MBD5: variants seen among roughly 807,000 people sequenced by gnomAD.
MBD5 encodes the protein methyl-CpG-binding domain protein 5.
Under a neutral mutation model 117.3 loss-of-function variants are expected in MBD5, and 13 were observed. The ratio of observed to expected loss-of-function variants is 0.11; its 90% CI spans 0.07 to 0.18. The LOEUF (loss-of-function observed/expected upper bound fraction) is 0.18, where lower values mean the gene tolerates loss of function less well. Ranked by LOEUF, MBD5 falls within the 10% of genes least tolerant of loss-of-function variation. The pLI is 1.00. For synonymous variants in MBD5, 727 were observed against 766.4 expected, an observed-to-expected ratio of 0.95 and a Z score of 0.85; for missense variants, 1,879 against 2,093.8, an observed-to-expected ratio of 0.90 and a Z score of 2.00.
At chr2:148,419,764 A>T (rs941014699) in intron 4 of MBD5, among the ~76,000 whole-genome samples, 4 of 152,064 alleles carry the variant, frequency 2.6e-5, no homozygotes, top group African/African-American at 4.8e-5. Flanking sequence ...ATAATTTTTC[A>T]GTTTGGGTTT....
chr2:148,388,735 G>A lies in MBD5; in HGVS notation c.-557+46399G>A, dbSNP rs79785668. ...TGTCTTCTCACATGACCTTTTCTCT[G>A]TGCATGCACATCTCTGTTGTCATCT... On this transcript the variant is annotated intron_variant, in intron 4 of 13. Transcript: ENST00000642680. 3.7e-4 allele frequency among the ~76,000 whole-genome samples: 57 copies of A among 152,204 alleles called. 1 individual carries two copies. In the East Asian group the frequency reaches 0.01, roughly 27 times the overall value.
intron 4 of MBD5, among the ~76,000 whole-genome samples, chr2:148,427,183 A>C (rs1476797415): frequency 6.6e-6 from 1 of 152,190 alleles, no homozygotes; most frequent in Non-Finnish European, 1.5e-5. Flanking sequence ...GAGAAATAGG[A>C]ACACTTTTAC....
At chr2:148,456,298 C>T (rs1706881479) in intron 4 of MBD5, among the ~76,000 whole-genome samples, 1 of 152,116 alleles carries the variant, frequency 6.6e-6, no homozygotes, top group Admixed American at 6.6e-5. Flanking sequence ...GTGGTCTTTT[C>T]ACTGCAAACT....
At chr2:148,459,935 A>AT (rs925994063) in intron 5 of MBD5, among the ~76,000 whole-genome samples, 19 of 152,142 alleles carry the variant, frequency 1.2e-4, no homozygotes, top group African/African-American at 4.1e-4. Context: ...ATCCATATTT[A>AT]TTGGGGTGAA....
chr2:148,248,741 A>G (rs1466059816), intron 3 of MBD5, among the ~76,000 whole-genome samples: 5 of 152,150 alleles, frequency 3.3e-5, no homozygotes, highest in Admixed American at 2.6e-4. Context: ...GAAGGTTAAT[A>G]TAACGCTTTA....
chr2:148,405,188 T>C (rs1010390768), intron 4 of MBD5, among the ~76,000 whole-genome samples: 3 of 152,162 alleles, frequency 2.0e-5, no homozygotes, highest in Non-Finnish European at 1.5e-5. Context: ...ATGAAAAGGA[T>C]AGAAAAAATA....
At chr2:148,410,186 C>G (rs975562903) in intron 4 of MBD5, among the ~76,000 whole-genome samples, 1 of 152,106 alleles carries the variant, frequency 6.6e-6, no homozygotes, top group Non-Finnish European at 1.5e-5. Context: ...TTTTCCATGT[C>G]TTTGATAAAA....
intron 1 of MBD5, among the ~76,000 whole-genome samples, chr2:148,123,043 G>A (rs1342554544): frequency 1.3e-5 from 2 of 152,166 alleles, no homozygotes; most frequent in Non-Finnish European, 2.9e-5. Context: ...CTAAGAACAT[G>A]TAACTTTGTG....
chr2:148,434,990 A>G (rs1352936492), intron 4 of MBD5, among the ~76,000 whole-genome samples: 2 of 152,144 alleles, frequency 1.3e-5, no homozygotes, highest in Non-Finnish European at 2.9e-5. Flanking sequence ...TTTGTCATTT[A>G]CATAATGGTA....
intron 1 of MBD5, among the ~76,000 whole-genome samples, chr2:148,136,712 A>G (rs1346144733): frequency 6.6e-6 from 1 of 152,198 alleles, no homozygotes; most frequent in East Asian, 1.9e-4. Context: ...GGCTTTATGC[A>G]GAAATCTTAC....
intron 1 of MBD5, among the ~76,000 whole-genome samples, chr2:148,035,630 A>G (rs891917414): frequency 2.0e-5 from 3 of 152,210 alleles, no homozygotes; most frequent in Admixed American, 6.6e-5. Flanking sequence ...TAAGTGAACA[A>G]ATATGTAAAT....
At chr2:148,089,275 C>T (rs1189181793) in intron 1 of MBD5, among the ~76,000 whole-genome samples, 1 of 152,014 alleles carries the variant, frequency 6.6e-6, no homozygotes, top group Non-Finnish European at 1.5e-5. Flanking sequence ...CAGTACTCCA[C>T]TGAGAACACT....
At chr2:148,175,288 A>G (rs565892284) in intron 1 of MBD5, among the ~76,000 whole-genome samples, 2 of 152,292 alleles carry the variant, frequency 1.3e-5, no homozygotes, top group Admixed American at 6.5e-5. Context: ...AAGAAGGTAT[A>G]ATTTTTTGTA....
chr2:148,296,864 ATTT>A lies in MBD5; in HGVS notation c.-679-45332_-679-45330del, dbSNP rs757371602. Among the ~76,000 whole-genome samples the A allele has an allele frequency of 2.0e-3, 123 of 61,330 alleles. 1 individual carries two copies. The highest frequency in any genetic ancestry group is 5.3e-3 in the African/African-American group (95 of 17,836). 40.2% of individuals were successfully genotyped at this position (61,330 alleles called of 152,430 possible). A position where few individuals can be genotyped will look rare whatever the true frequency, so the allele number is the denominator to read the frequency against. Reference sequence around the variant, plus strand: ...AAGCATAGTTTGCTTTAGTTCTTCAATTTTTTTTTTTTTTTTTTTTGGAGACAG... The same window carrying A: ...AAGCATAGTTTGCTTTAGTTCTTCAATTTTTTTTTTTTTTTTTGGAGACAG... On this transcript the variant is annotated intron_variant, in intron 3 of 13. Transcript: ENST00000642680.
chr2:148,205,378 A>ATT lies in MBD5; in HGVS notation c.-831+26588_-831+26589dup, dbSNP rs537629146. On this transcript the variant is annotated intron_variant, in intron 2 of 13. Transcript: ENST00000642680. ...TTGCTGGGATTACAGGCGTGGACTAATTTTCTCATCTTTAATACTTGGAAG... is the reference window on the plus strand; with the variant it reads ...TTGCTGGGATTACAGGCGTGGACTAATTTTTTCTCATCTTTAATACTTGGAAG... Among the ~76,000 whole-genome samples the ATT allele has an allele frequency of 3.3e-5, 5 of 152,212 alleles. 1 individual carries two copies. The South Asian group carries it at 1.0e-3, about 32-fold the overall frequency.
At chr2:148,137,373 C>G (rs1254757569) in intron 1 of MBD5, among the ~76,000 whole-genome samples, 2 of 152,200 alleles carry the variant, frequency 1.3e-5, no homozygotes, top group Non-Finnish European at 2.9e-5. Context: ...CTGCTGCTGT[C>G]TATACTATCC....
chr2:148,064,484 G>C (rs1173552426), intron 1 of MBD5, among the ~76,000 whole-genome samples: 1 of 152,148 alleles, frequency 6.6e-6, no homozygotes. Flanking sequence ...TACCAGATGA[G>C]ATTATCTAGA....
intron 4 of MBD5, among the ~76,000 whole-genome samples, chr2:148,447,083 C>CAAAG (rs560220730): frequency 2.2e-5 from 2 of 90,568 alleles, no homozygotes; most frequent in African/African-American, 4.3e-5. Flanking sequence ...AAGAAAGAAA[C>CAAAG]AAAGAAAGAA....
chr2:148,379,680 C>A (rs1704080953), intron 4 of MBD5, among the ~76,000 whole-genome samples: 1 of 151,806 alleles, frequency 6.6e-6, no homozygotes, highest in African/African-American at 2.4e-5. Flanking sequence ...ATTATCTTAT[C>A]TAGTTTCAGA....
Sources: gnomAD v4.1 joint callset for allele counts (sites outside exome capture counted in the v4.1 genomes callset) on GRCh38, gnomAD v4.1.1 for gene constraint, MANE v1.5 for transcripts, NCBI Gene and HGNC (gene_info 2026-07-23, HGNC 2026-07-21) for gene names.